The following CIT variants were observed in gnomAD, a reference collection of about 807,000 sequenced individuals.
The protein encoded by CIT is citron rho-interacting serine/threonine kinase.
Under a neutral mutation model 272.7 loss-of-function variants are expected in CIT, and 79 were observed. That is an observed-to-expected ratio of 0.29 (90% confidence interval 0.24 to 0.35). CIT has a LOEUF of 0.35. Ranked by LOEUF, CIT falls within the 10% of genes least tolerant of loss-of-function variation. The pLI is 1.00. For synonymous variants in CIT, 948 were observed against 995.6 expected (o/e 0.95, Z 0.90); for missense variants, 1,909 against 2,618.3 (o/e 0.73, Z 5.91).
In CIT at chr12:119,718,832, A is replaced by G. The variant is rs537655825; in HGVS notation, c.3870T>C (p.Pro1290=). The change falls in exon 31 of 48, where the codon CCT becomes CCC. Residue 1290 remains proline, a synonymous_variant. Transcript: ENST00000392521. This position sits in a 1 kb window ranked among gnomAD's most constrained non-coding sequence, Gnocchi z 4.8. ...KGLFSRRKED[P]ALPTQVPLQY... ...GCAGAGGAACCTGTGTGGGTAAAGC[A>G]GGGTCCTCTTTCCGTCGACTAAATA... 6.2e-7 allele frequency: 1 copy of G among 1,614,190 alleles called. No homozygotes were observed.
At position 119,697,953 on chromosome 12, in the gene CIT, A is replaced by G. The variant is rs1211539352; in HGVS notation, c.5702+23T>C. 6.2e-7 allele frequency: 1 copy of G among 1,613,976 alleles called. No individual in the cohort carries two copies. Among genetic ancestry groups the G allele is most frequent in the South Asian group, 1.1e-5 (1 of 91,082 alleles). On this transcript the variant is annotated intron_variant, in intron 45 of 47. Transcript: ENST00000392521. This position sits in a 1 kb window ranked among gnomAD's most constrained non-coding sequence, Gnocchi z 4.9. ...CCTACCCCAATAGCTGAAGTTTTCC[A>G]CGCATGGGAGGACAATGCTTACCCT...
chr12:119,712,520 C>A lies in CIT; in HGVS notation c.4684+71G>T. The A allele has an allele frequency of 5.5e-6, 8 of 1,459,826 alleles. No individual in the cohort carries two copies. The South Asian group carries it at 9.3e-5, about 17-fold the overall frequency. 90.4% of individuals were successfully genotyped at this position (1,459,826 alleles called of 1,614,324 possible). On this transcript the variant is annotated intron_variant, in intron 36 of 47. Transcript: ENST00000392521. This position sits in a 1 kb window ranked among gnomAD's most constrained non-coding sequence, Gnocchi z 5.2. ...TGCAGAGCCAATCTTCCCTGTACCACCCCTTCTGTCCCTGCTGATTGGCCA... is the reference window on the plus strand; with the variant it reads ...TGCAGAGCCAATCTTCCCTGTACCAACCCTTCTGTCCCTGCTGATTGGCCA...
At position 119,688,273 on chromosome 12, in the gene CIT, A is replaced by G. The variant is rs774634058; in HGVS notation, c.6187-18T>C. On this transcript the variant is annotated intron_variant, in intron 47 of 47. Coordinates refer to ENST00000392521, the MANE Select transcript of CIT (RefSeq NM_001206999.2). ...TCCCAGACCTAGGAGTGAAATAAGG[A>G]GGAGTGTTAGCCATCCGAGGCCAGA... 3.7e-6 allele frequency: 6 copies of G among 1,613,204 alleles called. No homozygotes were observed. The highest frequency in any genetic ancestry group is 4.2e-6 in the Non-Finnish European group (5 of 1,179,312).
chr12:119,793,095 A>AAT (rs1207760765), intron 10 of CIT, among the ~76,000 whole-genome samples: 3 of 152,056 alleles, frequency 2.0e-5, no homozygotes, highest in East Asian at 1.9e-4. Context: ...CACCACACAC[A>AAT]ATATATATAT....
At chr12:119,827,627 G>A (rs890010342) in intron 7 of CIT, among the ~76,000 whole-genome samples, 5 of 152,116 alleles carry the variant, frequency 3.3e-5, no homozygotes, top group South Asian at 4.2e-4. Context: ...TAGTAGAGAC[G>A]GGGTTTCACT....
chr12:119,690,460 G>GACACAAGAGGA lies in CIT; in HGVS notation c.5883-17_5883-7dup. ...GGCCTCGCTTGTTGGGGCTGCTGGC[G>GACACAAGAGGA]ACACAAGAGGAACGTAGGGAGCTGC... On this transcript the variant is annotated splice_polypyrimidine_tract_variant and splice_region_variant and intron_variant, in intron 46 of 47. Transcript: ENST00000392521. The surrounding 1 kb of genome is among the most constrained non-coding windows in gnomAD (Gnocchi z 6.0). The GACACAAGAGGA allele has an allele frequency of 6.3e-7, 1 of 1,578,244 alleles. No individual in the cohort carries two copies. Among genetic ancestry groups the GACACAAGAGGA allele is most frequent in the Admixed American group, 1.8e-5 (1 of 54,630 alleles).
At chr12:119,696,407 G>A (rs1956225241) in intron 46 of CIT, among the ~76,000 whole-genome samples, 1 of 152,144 alleles carries the variant, frequency 6.6e-6, no homozygotes, top group Non-Finnish European at 1.5e-5. Flanking sequence ...CACTCAGAGG[G>A]CTAGGGTTAA....
At chr12:119,737,613 T>C (rs889953717) in intron 24 of CIT, among the ~76,000 whole-genome samples, 4 of 152,170 alleles carry the variant, frequency 2.6e-5, no homozygotes, top group Non-Finnish European at 5.9e-5. Flanking sequence ...ATGGGCCCAT[T>C]GGAATAAGAA....
At chr12:119,723,502 T>C (rs1957915211) in intron 28 of CIT, among the ~76,000 whole-genome samples, 1 of 151,900 alleles carries the variant, frequency 6.6e-6, no homozygotes, top group East Asian at 1.9e-4. Context: ...GGTATATTCA[T>C]GGGCCAGTGT....
At chr12:119,830,240 G>A (rs190505575) in intron 7 of CIT, among the ~76,000 whole-genome samples, 2 of 151,508 alleles carry the variant, frequency 1.3e-5, no homozygotes, top group African/African-American at 2.4e-5. Context: ...ATATTCTCAA[G>A]TGTGTGGTAT....
rs1957220909 is a variant in CIT, at chr12:119,712,561, C to T, written c.4684+30G>A. Reference sequence around the variant, plus strand: ...TGATTGGCCAAGCCCGGCCCACCTCCAGGGCGGGGCTCCTCCGGCTCCTCC... The same window carrying T: ...TGATTGGCCAAGCCCGGCCCACCTCTAGGGCGGGGCTCCTCCGGCTCCTCC... On this transcript the variant is annotated intron_variant, in intron 36 of 47. Transcript: ENST00000392521. The surrounding 1 kb of genome is among the most constrained non-coding windows in gnomAD (Gnocchi z 5.2). The T allele has an allele frequency of 1.9e-6, 3 of 1,599,744 alleles. No homozygotes were observed. The Admixed American group carries it at 5.0e-5, about 27-fold the overall frequency.
At chr12:119,872,475 T>A (rs1156816234) in intron 2 of CIT, among the ~76,000 whole-genome samples, 1 of 152,226 alleles carries the variant, frequency 6.6e-6, no homozygotes, top group Non-Finnish European at 1.5e-5. Flanking sequence ...ACAAACAGCA[T>A]CCTTACCTGA....
At chr12:119,739,218 G>A (rs942030995) in intron 24 of CIT, among the ~76,000 whole-genome samples, 3 of 152,152 alleles carry the variant, frequency 2.0e-5, no homozygotes, top group African/African-American at 7.2e-5. Context: ...TTAAAACTGT[G>A]TCATATGTTT....
intron 2 of CIT, 88 bp downstream of exon 2, chr12:119,875,985 A>T (rs1449534934): frequency 2.4e-6 from 2 of 833,218 alleles, no homozygotes; most frequent in Non-Finnish European, 4.0e-6. Flanking sequence ...CTCTAAATAA[A>T]TAAACAAATA....
At chr12:119,815,226 G>A (rs1248930421) in intron 9 of CIT, among the ~76,000 whole-genome samples, 2 of 148,914 alleles carry the variant, frequency 1.3e-5, no homozygotes, top group Non-Finnish European at 3.0e-5. Flanking sequence ...GATATCACCT[G>A]TGGCCTTGTT....
At chr12:119,818,659 T>G (rs983401356) in intron 9 of CIT, among the ~76,000 whole-genome samples, 1 of 152,188 alleles carries the variant, frequency 6.6e-6, no homozygotes, top group Non-Finnish European at 1.5e-5. Flanking sequence ...TGGCAAGAAT[T>G]GTTTCTTTCA....
At chr12:119,776,569 T>G (rs1022995344) in intron 14 of CIT, 103 bp downstream of exon 14, 3 of 1,240,406 alleles carry the variant, frequency 2.4e-6, no homozygotes, top group Non-Finnish European at 3.4e-6. Context: ...TCCTACTATT[T>G]CTCAAACTAG....
chr12:119,846,195 G>T (rs535618410), intron 5 of CIT, among the ~76,000 whole-genome samples: 1 of 152,048 alleles, frequency 6.6e-6, no homozygotes, highest in Non-Finnish European at 1.5e-5. Flanking sequence ...CATCCTCACT[G>T]GCCACAGGGG....
chr12:119,842,809 T>G (rs1172654057), intron 5 of CIT, among the ~76,000 whole-genome samples: 1 of 152,200 alleles, frequency 6.6e-6, no homozygotes, highest in East Asian at 1.9e-4. Context: ...ATAACTCCAC[T>G]GAGAATATAA....
Sources: gnomAD v4.1 joint callset for allele counts (sites outside exome capture counted in the v4.1 genomes callset) on GRCh38, gnomAD v4.1.1 for gene constraint, Gnocchi (gnomAD v3.1) non-coding constraint, MANE v1.5 for transcripts, NCBI Gene and HGNC (gene_info 2026-07-23, HGNC 2026-07-21) for gene names.